The following KLF13 variants were observed in gnomAD, a reference collection of about 807,000 sequenced individuals.
KLF13 encodes Krueppel-like factor 13.
In KLF13, 8 loss-of-function variants were observed where a neutral mutation model predicts 16.7. That is an observed-to-expected ratio of 0.48 (90% CI 0.28 to 0.87). The LOEUF (loss-of-function observed/expected upper bound fraction) is 0.87, where lower values mean the gene tolerates loss of function less well. Among genes scored for constraint, KLF13 ranks in the 40% least tolerant of loss-of-function variants. KLF13 has a pLI of 0.10. For synonymous variants in KLF13, 245 were observed against 208.4 expected, an observed-to-expected ratio of 1.18 and a Z score of -1.51; for missense variants, 447 against 452.2, an observed-to-expected ratio of 0.99 and a Z score of 0.10.
rs11537749 is a variant in KLF13, at chr15:31,327,404, G to A, written c.192G>A (p.Val64=). The A allele has an allele frequency of 0.31, 400,216 of 1,280,504 alleles. 66,621 individuals are homozygous for A. The highest frequency in any genetic ancestry group is 0.34 in the Non-Finnish European group (341,978 of 1,012,176). 79.3% of individuals were successfully genotyped at this position (1,280,504 alleles called of 1,614,324 possible). The change falls in exon 1 of 2, where the codon GTG becomes GTA. Residue 64 remains valine, a synonymous_variant. Coordinates refer to ENST00000307145, the MANE Select transcript of KLF13 (RefSeq NM_015995.4). ...AGGACAGCGCCTCGCTCTTCGTGGTGGCGCGGATCCTAGCGGACCTCAACC... is the reference window on the plus strand; with the variant it reads ...AGGACAGCGCCTCGCTCTTCGTGGTAGCGCGGATCCTAGCGGACCTCAACC... The part of the protein sequence containing the change: ...DGKDSASLFV[V]ARILADLNQQ...
chr15:31,431,762 C>G (rs1273541326), intron 1 of KLF13, among the ~76,000 whole-genome samples: 1 of 152,220 alleles, frequency 6.6e-6, no homozygotes, highest in Non-Finnish European at 1.5e-5. Context: ...CCGCGCCCAG[C>G]CTGGCCAAAT....
At chr15:31,386,698 C>T (rs773741976) in intron 1 of KLF13, among the ~76,000 whole-genome samples, 1 of 152,208 alleles carries the variant, frequency 6.6e-6, no homozygotes, top group Non-Finnish European at 1.5e-5. Flanking sequence ...CCATCTAGGA[C>T]TTTCAAAGCT....
rs1458918171 is a variant in KLF13 at position 31,327,189 on chromosome 15, C to T, written c.-24C>T. ...CGGCTGACGACTCGCAGCAAGAGCA[C>T]CGCCGCCGGCCCCAGCCCGCAGCAT... On this transcript the variant is annotated 5_prime_UTR_variant, in exon 1 of 2. Coordinates refer to ENST00000307145, the MANE Select transcript of KLF13 (RefSeq NM_015995.4). The T allele has an allele frequency of 2.3e-6, 3 of 1,305,700 alleles. No individual in the cohort carries two copies. The highest frequency in any genetic ancestry group is 1.9e-6 in the Non-Finnish European group (2 of 1,029,142). The allele number at this position is 1,305,700 out of a possible 1,614,324, so 80.9% of individuals were successfully genotyped here. A position where few individuals can be genotyped will look rare whatever the true frequency, so the allele number is the denominator to read the frequency against.
At chr15:31,381,582 A>G, downstream of KLF13, among the ~76,000 whole-genome samples, 1 of 151,800 alleles carries the variant, frequency 6.6e-6, no homozygotes, top group East Asian at 1.9e-4. Context: ...TCCTTCCTGC[A>G]CTCCCCTGAG....
At chr15:31,420,439 C>T (rs1039151647) in intron 1 of KLF13, 1 of 934,654 alleles carries the variant, frequency 1.1e-6, no homozygotes, top group Non-Finnish European at 1.7e-6. Flanking sequence ...CCTGCTACCA[C>T]CCCAACATAG....
chr15:31,394,694 T>A (rs1413935724), intron 2 of KLF13, among the ~76,000 whole-genome samples: 1 of 152,222 alleles, frequency 6.6e-6, no homozygotes, highest in Non-Finnish European at 1.5e-5. Context: ...ACCCATTTAC[T>A]GTATGTAATC....
chr15:31,412,476 G>GA lies in KLF13; in HGVS notation n.117+18794dup, dbSNP rs541275023. On this transcript the variant is annotated intron_variant and non_coding_transcript_variant, in intron 1 of 1. Transcript: ENST00000558225. ...GAAAAGTCCAAAAAAAAACCACTAT[G>GA]AAAAAAAAACACTTCTAGAATTAAT... Among the ~76,000 whole-genome samples the GA allele has an allele frequency of 8.3e-4, 123 of 148,924 alleles. 1 individual carries two copies. The highest frequency in any genetic ancestry group is 1.4e-3 in the Admixed American group (21 of 14,950).
At chr15:31,428,820 A>AAGAAAAG (rs1555383799) in intron 1 of KLF13, among the ~76,000 whole-genome samples, 1,347 of 72,744 alleles carry the variant, frequency 0.019, 7 homozygotes, top group Non-Finnish European at 0.02. Context: ...AAAAAAAAAA[A>AAGAAAAG]AAAAAGAAAA....
chr15:31,358,084 T>G (rs1021635334), intron 1 of KLF13, among the ~76,000 whole-genome samples: 3 of 152,126 alleles, frequency 2.0e-5, no homozygotes, highest in Non-Finnish European at 2.9e-5. Flanking sequence ...GAGGGTAAGG[T>G]AAGCACTAGG....
intron 1 of KLF13, among the ~76,000 whole-genome samples, chr15:31,410,944 T>A (rs1176765779): frequency 6.6e-6 from 1 of 152,102 alleles, no homozygotes; most frequent in Admixed American, 6.5e-5. Flanking sequence ...ATGGATCAAT[T>A]CCTTAAAAGA....
At chr15:31,430,825 T>A (rs1255757855) in intron 1 of KLF13, among the ~76,000 whole-genome samples, 1 of 152,182 alleles carries the variant, frequency 6.6e-6, no homozygotes, top group Non-Finnish European at 1.5e-5. Context: ...AGTCTGACAG[T>A]GCCAAGTATT....
intron 1 of KLF13, among the ~76,000 whole-genome samples, chr15:31,428,708 T>A (rs751582464): frequency 5.0e-5 from 7 of 139,882 alleles, no homozygotes; most frequent in Non-Finnish European, 7.5e-5. Flanking sequence ...CTCGGGAGGC[T>A]GAGGCAGGAG....
intron 1 of KLF13, among the ~76,000 whole-genome samples, chr15:31,347,557 G>A (rs2039143717): frequency 1.3e-5 from 2 of 152,218 alleles, no homozygotes; most frequent in African/African-American, 4.8e-5. Flanking sequence ...CTCTGCCTTG[G>A]AGGTGCTGCT....
At chr15:31,413,200 A>AC (rs1020464916) in intron 1 of KLF13, among the ~76,000 whole-genome samples, 6 of 149,782 alleles carry the variant, frequency 4.0e-5, no homozygotes, top group African/African-American at 9.8e-5. Context: ...AAAAAAAAAA[A>AC]AACAAAAAAC....
At chr15:31,413,199 AAAAC>A (rs1197241339) in intron 1 of KLF13, among the ~76,000 whole-genome samples, 21 of 149,568 alleles carry the variant, frequency 1.4e-4, no homozygotes, top group East Asian at 3.9e-4. Context: ...AAAAAAAAAA[AAAAC>A]AAAAAACAAA....
upstream of KLF13, among the ~76,000 whole-genome samples, chr15:31,390,826 T>C (rs2039853887): frequency 6.6e-6 from 1 of 152,028 alleles, no homozygotes; most frequent in Admixed American, 6.5e-5. Context: ...CTGTGTTTAT[T>C]TTCCTTCTTT....
intron 2 of KLF13, among the ~76,000 whole-genome samples, chr15:31,396,112 G>GA (rs2039949151): frequency 6.6e-6 from 1 of 152,088 alleles, no homozygotes; most frequent in Non-Finnish European, 1.5e-5. Context: ...TGCAACCTCC[G>GA]TCTCCTGGGT....
intron 2 of KLF13, among the ~76,000 whole-genome samples, chr15:31,396,008 G>T (rs917679673): frequency 3.3e-5 from 5 of 152,096 alleles, no homozygotes; most frequent in African/African-American, 7.2e-5. Flanking sequence ...GGGAGGGTTG[G>T]TTTTTTTGTT....
At chr15:31,412,956 G>A (rs2040212103) in intron 1 of KLF13, among the ~76,000 whole-genome samples, 1 of 152,098 alleles carries the variant, frequency 6.6e-6, no homozygotes, top group African/African-American at 2.4e-5. Flanking sequence ...TGAGTTCCTG[G>A]GGAAAAATAT....
Sources: gnomAD v4.1 joint callset for allele counts (sites outside exome capture counted in the v4.1 genomes callset) on GRCh38, gnomAD v4.1.1 for gene constraint, MANE v1.5 for transcripts, NCBI Gene and HGNC (gene_info 2026-07-23, HGNC 2026-07-21) for gene names.